The following EXOC4 variants were observed in gnomAD, a reference collection of about 807,000 sequenced individuals.
EXOC4 encodes exocyst complex component 4, also known as SEC8-like 1.
In EXOC4, 71 loss-of-function variants were observed where a neutral mutation model predicts 107.2. The ratio of observed to expected loss-of-function variants is 0.66; its 90% CI spans 0.55 to 0.81. EXOC4 has a LOEUF of 0.81. Ranked by LOEUF, EXOC4 falls within the 30% of genes least tolerant of loss-of-function variation. The probability of loss-of-function intolerance (pLI) is 0.00; values close to 1 mark genes in which losing one functional copy is unlikely to be tolerated. For missense variants in EXOC4, 1,108 were observed against 1,189.6 expected, an observed-to-expected ratio of 0.93 and a Z score of 1.01; for synonymous variants, 456 against 441.2, an observed-to-expected ratio of 1.03 and a Z score of -0.42.
chr7:133,350,922 A>G (rs1035130240), intron 5 of EXOC4, among the ~76,000 whole-genome samples: 33 of 152,024 alleles, frequency 2.2e-4, no homozygotes, highest in African/African-American at 8.0e-4. Flanking sequence ...TATATATTAT[A>G]GCTTTCATTA....
intron 5 of EXOC4, among the ~76,000 whole-genome samples, chr7:133,334,104 G>T (rs1795454680): frequency 6.6e-6 from 1 of 152,060 alleles, no homozygotes; most frequent in South Asian, 2.1e-4. Flanking sequence ...TATTTCATTT[G>T]AGTTCTCCTA....
chr7:133,457,450 C>A (rs1426562979), intron 7 of EXOC4, among the ~76,000 whole-genome samples: 1 of 152,128 alleles, frequency 6.6e-6, no homozygotes, highest in African/African-American at 2.4e-5. Flanking sequence ...TGAAAGGGCA[C>A]CAGCAAGAAG....
chr7:133,497,534 G>A (rs1010067738), intron 9 of EXOC4, among the ~76,000 whole-genome samples: 3 of 151,610 alleles, frequency 2.0e-5, no homozygotes, highest in African/African-American at 4.8e-5. Flanking sequence ...GGGTTCAAGC[G>A]ATTCTTCTGC....
At chr7:133,425,503 T>A (rs1369674128) in intron 7 of EXOC4, among the ~76,000 whole-genome samples, 1 of 152,032 alleles carries the variant, frequency 6.6e-6, no homozygotes, top group African/African-American at 2.4e-5. Flanking sequence ...CCCAGGCTGG[T>A]CTCGAACTCC....
At chr7:133,841,416 C>G (rs989202086) in intron 11 of EXOC4, among the ~76,000 whole-genome samples, 1 of 152,110 alleles carries the variant, frequency 6.6e-6, no homozygotes, top group Non-Finnish European at 1.5e-5. Flanking sequence ...ACCATGGTTC[C>G]CAGGTTTTTT....
intron 11 of EXOC4, among the ~76,000 whole-genome samples, chr7:133,865,489 T>G (rs766097180): frequency 6.6e-6 from 1 of 152,224 alleles, no homozygotes; most frequent in East Asian, 1.9e-4. Context: ...GTAGAAACAC[T>G]TGTATCTTAG....
At chr7:133,553,588 T>G (rs1800632940) in intron 9 of EXOC4, among the ~76,000 whole-genome samples, 1 of 152,184 alleles carries the variant, frequency 6.6e-6, no homozygotes, top group Admixed American at 6.6e-5. Context: ...TCATAATGTT[T>G]CTACTCAACA....
chr7:133,706,541 A>G (rs1794772584), intron 10 of EXOC4, among the ~76,000 whole-genome samples: 1 of 152,254 alleles, frequency 6.6e-6, no homozygotes, highest in Non-Finnish European at 1.5e-5. Flanking sequence ...TATGAGCCAC[A>G]TTTAAAAAGT....
chr7:133,836,636 C>G (rs1797924894), intron 11 of EXOC4, among the ~76,000 whole-genome samples: 1 of 152,146 alleles, frequency 6.6e-6, no homozygotes, highest in Non-Finnish European at 1.5e-5. Flanking sequence ...AAATAACGCA[C>G]ATTTCTCTCC....
At chr7:133,675,481 G>T (rs1794035685) in intron 10 of EXOC4, among the ~76,000 whole-genome samples, 1 of 152,092 alleles carries the variant, frequency 6.6e-6, no homozygotes. Flanking sequence ...TTAAATAAAT[G>T]GTCACAAATT....
intron 11 of EXOC4, among the ~76,000 whole-genome samples, chr7:133,836,615 A>G (rs1193673392): frequency 1.3e-5 from 2 of 152,012 alleles, no homozygotes; most frequent in Non-Finnish European, 2.9e-5. Flanking sequence ...AACACGTTTC[A>G]CTCCAAAACC....
chr7:133,435,554 T>A (rs1279213001), intron 7 of EXOC4, among the ~76,000 whole-genome samples: 1 of 152,194 alleles, frequency 6.6e-6, no homozygotes, highest in East Asian at 1.9e-4. Flanking sequence ...ATAAGGACAT[T>A]TTGCCCCTGG....
rs372058656 is a variant in EXOC4 at position 133,682,789 on chromosome 7, A to G, written c.1514+52648A>G. 5.3e-5 allele frequency among the ~76,000 whole-genome samples: 8 copies of G among 152,300 alleles called. No individual in the cohort carries two copies. In the East Asian group the frequency reaches 1.4e-3, roughly 26 times the overall value. On this transcript the variant is annotated intron_variant, in intron 10 of 17. Transcript: ENST00000253861. ...ACATCAGACGCTTTTACCACCACAT[A>G]GAGTTTGAGGCTCTCAGTCAAAATG... is the stretch of plus-strand genomic sequence containing the variant.
At chr7:133,500,878 G>C (rs1045354337) in intron 9 of EXOC4, among the ~76,000 whole-genome samples, 1 of 152,132 alleles carries the variant, frequency 6.6e-6, no homozygotes, top group South Asian at 2.1e-4. Context: ...CACAAATGTG[G>C]ATTCAGGCCT....
intron 7 of EXOC4, among the ~76,000 whole-genome samples, chr7:133,425,592 C>T (rs1489801082): frequency 1.3e-5 from 2 of 152,150 alleles, no homozygotes; most frequent in African/African-American, 4.8e-5. Context: ...TGGCTCAAGA[C>T]ACTCTTATCA....
At chr7:133,921,471 G>A (rs1416676179) in intron 13 of EXOC4, among the ~76,000 whole-genome samples, 1 of 152,068 alleles carries the variant, frequency 6.6e-6, no homozygotes, top group South Asian at 2.1e-4. Context: ...CACAACTGAG[G>A]ATTGTTTTTT....
chr7:133,612,274 C>A (rs1802089577), intron 9 of EXOC4, among the ~76,000 whole-genome samples: 1 of 152,118 alleles, frequency 6.6e-6, no homozygotes, highest in South Asian at 2.1e-4. Flanking sequence ...TCTTCATGGG[C>A]AGATTTCTGG....
At chr7:133,706,739 G>T (rs1204894752) in intron 10 of EXOC4, among the ~76,000 whole-genome samples, 1 of 152,134 alleles carries the variant, frequency 6.6e-6, no homozygotes, top group Non-Finnish European at 1.5e-5. Context: ...ATTTGGACTA[G>T]CCACATTTGA....
intron 15 of EXOC4, among the ~76,000 whole-genome samples, chr7:133,998,995 A>C (rs1463016800): frequency 1.3e-5 from 2 of 152,108 alleles, no homozygotes; most frequent in Non-Finnish European, 2.9e-5. Flanking sequence ...GGGCCAGAGC[A>C]ACTGTGTGCC....
Sources: allele counts gnomAD v4.1 joint callset (sites outside exome capture counted in the v4.1 genomes callset), GRCh38; gene constraint gnomAD v4.1.1; transcripts MANE v1.5; gene names NCBI Gene and HGNC (gene_info 2026-07-23, HGNC 2026-07-21).